HDAC9: variants seen among roughly 807,000 people sequenced by gnomAD.
The protein encoded by HDAC9 is histone deacetylase 9.
HDAC9 carries 41 observed loss-of-function variants against 139.4 expected under a neutral mutation model. The ratio of observed to expected loss-of-function variants is 0.29; its 90% CI spans 0.23 to 0.38. The LOEUF (loss-of-function observed/expected upper bound fraction) is 0.38. Among genes scored for constraint, HDAC9 ranks in the 10% least tolerant of loss-of-function variants. HDAC9 has a pLI of 1.00. For missense variants in HDAC9, 1,147 were observed against 1,297.0 expected, an observed-to-expected ratio of 0.88 and a Z score of 1.78; for synonymous variants, 517 against 476.2, an observed-to-expected ratio of 1.09 and a Z score of -1.12.
chr7:18,091,195 A>G (rs1782118950), intron 1 of HDAC9, among the ~76,000 whole-genome samples: 1 of 152,248 alleles, frequency 6.6e-6, no homozygotes, highest in Non-Finnish European at 1.5e-5. Flanking sequence ...CATCCAAATC[A>G]TTAAGTATCA....
intron 1 of HDAC9, among the ~76,000 whole-genome samples, chr7:18,444,249 G>T (rs1451955900): frequency 1.4e-5 from 2 of 145,712 alleles, no homozygotes; most frequent in Non-Finnish European, 3.0e-5. Flanking sequence ...TGAGATAGGA[G>T]AATTGCTTGA....
chr7:18,333,937 TAAA>T (rs1370444808), intron 1 of HDAC9, among the ~76,000 whole-genome samples: 1 of 151,040 alleles, frequency 6.6e-6, no homozygotes, highest in Admixed American at 6.6e-5. Context: ...TAAATTATAA[TAAA>T]AATAGAAATT....
intron 1 of HDAC9, among the ~76,000 whole-genome samples, chr7:18,368,908 A>G (rs1216290156): frequency 1.3e-5 from 2 of 152,084 alleles, no homozygotes; most frequent in Admixed American, 6.6e-5. Flanking sequence ...GCTGATAAAA[A>G]TCCTTATAAA....
chr7:18,934,300 C>G (rs75326831), intron 22 of HDAC9, among the ~76,000 whole-genome samples: 291 of 151,674 alleles, frequency 1.9e-3, no homozygotes, highest in African/African-American at 6.7e-3. Flanking sequence ...AACAGAGGGT[C>G]CCAACCACAT....
At chr7:18,701,520 A>C (rs1783488304) in intron 12 of HDAC9, among the ~76,000 whole-genome samples, 1 of 152,164 alleles carries the variant, frequency 6.6e-6, no homozygotes, top group Non-Finnish European at 1.5e-5. Flanking sequence ...CAATTTCCTA[A>C]AGATGAGTTA....
intron 24 of HDAC9, among the ~76,000 whole-genome samples, chr7:18,973,934 A>T (rs1274340290): frequency 6.6e-6 from 1 of 152,178 alleles, no homozygotes; most frequent in East Asian, 1.9e-4. Context: ...GCCTGATTCT[A>T]TACCTTGTCT....
At chr7:18,980,766 TTCTTCTTCTTCC>T (rs1784885104) in intron 25 of HDAC9, among the ~76,000 whole-genome samples, 1 of 150,420 alleles carries the variant, frequency 6.6e-6, no homozygotes, top group Admixed American at 6.6e-5. Context: ...TTCCTTCTTC[TTCTTCTTCTTCC>T]TCTTCTTCTT....
At chr7:18,348,593 A>G (rs763338234) in intron 1 of HDAC9, among the ~76,000 whole-genome samples, 3 of 152,180 alleles carry the variant, frequency 2.0e-5, no homozygotes, top group Non-Finnish European at 4.4e-5. Flanking sequence ...TCATTATGCA[A>G]TCACACATCT....
At chr7:18,759,997 A>G (rs1443729557) in intron 14 of HDAC9, among the ~76,000 whole-genome samples, 2 of 152,222 alleles carry the variant, frequency 1.3e-5, no homozygotes, top group Non-Finnish European at 2.9e-5. Context: ...GGAAAAAATC[A>G]ATGAAAGTTT....
chr7:18,108,279 A>G (rs759338071), intron 1 of HDAC9, among the ~76,000 whole-genome samples: 2 of 152,184 alleles, frequency 1.3e-5, no homozygotes, highest in Admixed American at 6.5e-5. Flanking sequence ...TTCAAGTAGC[A>G]ATGACCAGGG....
chr7:18,248,738 T>G (rs1794723744), intron 2 of HDAC9, among the ~76,000 whole-genome samples: 1 of 152,208 alleles, frequency 6.6e-6, no homozygotes. Flanking sequence ...GAAGGAACGT[T>G]TCCTCCAAGA....
At chr7:18,263,899 G>T (rs142561465) in intron 2 of HDAC9, among the ~76,000 whole-genome samples, 18 of 152,256 alleles carry the variant, frequency 1.2e-4, no homozygotes, top group African/African-American at 4.3e-4. Context: ...GATTACAGGT[G>T]TAAGCCACCA....
intron 4 of HDAC9, among the ~76,000 whole-genome samples, chr7:18,591,200 AG>A (rs1830838664): frequency 1.3e-5 from 2 of 152,204 alleles, no homozygotes; most frequent in Non-Finnish European, 2.9e-5. Flanking sequence ...GTTCCTCTGC[AG>A]TATTTTTTAA....
chr7:18,568,096 A>T (rs1269220131), intron 2 of HDAC9, among the ~76,000 whole-genome samples: 1 of 148,640 alleles, frequency 6.7e-6, no homozygotes, highest in African/African-American at 2.5e-5. Context: ...AGATTGGAAC[A>T]GTCTATGTAT....
chr7:18,974,745 TAG>T (rs1339641853), intron 24 of HDAC9, among the ~76,000 whole-genome samples: 1 of 152,194 alleles, frequency 6.6e-6, no homozygotes, highest in African/African-American at 2.4e-5. Context: ...CATAAAATGT[TAG>T]AGCTGCAAGA....
intron 2 of HDAC9, among the ~76,000 whole-genome samples, chr7:18,168,887 T>TG (rs1464771470): frequency 7.2e-4 from 83 of 115,820 alleles, no homozygotes; most frequent in African/African-American, 3.1e-3. Context: ...TTGTTTTTTT[T>TG]TTTTTTTTTT....
At chr7:18,116,776 C>T (rs1326918220) in intron 1 of HDAC9, among the ~76,000 whole-genome samples, 2 of 152,106 alleles carry the variant, frequency 1.3e-5, no homozygotes, top group African/African-American at 4.8e-5. Context: ...GGAGAAAGAT[C>T]TGTGACTTCT....
intron 21 of HDAC9, among the ~76,000 whole-genome samples, chr7:18,843,150 A>G (rs1302925982): frequency 6.6e-6 from 1 of 152,160 alleles, no homozygotes; most frequent in Non-Finnish European, 1.5e-5. Context: ...AATTAAAAGG[A>G]TATCTATGTT....
At chr7:18,604,523 C>T (rs1834891657) in intron 6 of HDAC9, among the ~76,000 whole-genome samples, 1 of 151,842 alleles carries the variant, frequency 6.6e-6, no homozygotes. Context: ...TCTCCTGCCT[C>T]AGCCTCCCGA....
Sources: allele counts gnomAD v4.1 joint callset (sites outside exome capture counted in the v4.1 genomes callset), GRCh38; gene constraint gnomAD v4.1.1; transcripts MANE v1.5; gene names NCBI Gene and HGNC (gene_info 2026-07-23, HGNC 2026-07-21).